Variants in PLCL1 observed in about 807,000 individuals in gnomAD.
PLCL1 encodes the protein phospholipase C like 1 (inactive), also known as inactive phospholipase C-like protein 1.
A neutral mutation model predicts 84.4 loss-of-function variants in PLCL1; 41 were observed. The ratio of observed to expected loss-of-function variants is 0.49; its 90% CI spans 0.38 to 0.63. The LOEUF (loss-of-function observed/expected upper bound fraction) is 0.63, where lower values mean the gene tolerates loss of function less well. PLCL1 is among the 30% of genes least tolerant of loss of function. The pLI is 0.00. For missense variants in PLCL1, 1,206 were observed against 1,367.8 expected (o/e 0.88, Z 1.87); for synonymous variants, 490 against 488.3 (o/e 1.00, Z -0.05).
intron 3 of PLCL1, among the ~76,000 whole-genome samples, chr2:198,091,042 C>T (rs1394090124): frequency 2.6e-5 from 4 of 152,156 alleles, no homozygotes; most frequent in Admixed American, 6.5e-5. Context: ...TAAAAGGCTA[C>T]GGTGGAAGCA....
chr2:197,820,630 G>C (rs1690796986), intron 1 of PLCL1, among the ~76,000 whole-genome samples: 2 of 152,082 alleles, frequency 1.3e-5, no homozygotes, highest in Admixed American at 1.3e-4. Context: ...CTGAGAATGT[G>C]GTGGGCTTAG....
intron 5 of PLCL1, among the ~76,000 whole-genome samples, chr2:198,135,194 C>G (rs1694226366): frequency 6.6e-6 from 1 of 152,108 alleles, no homozygotes; most frequent in African/African-American, 2.4e-5. Context: ...GCTTATGACA[C>G]TCATGGCGGT....
At chr2:198,029,327 T>G (rs916675334) in intron 1 of PLCL1, among the ~76,000 whole-genome samples, 1 of 152,204 alleles carries the variant, frequency 6.6e-6, no homozygotes, top group Non-Finnish European at 1.5e-5. Flanking sequence ...AATATAATTA[T>G]TCAGAGAGTA....
chr2:197,978,500 C>CAAACA (rs1451375491), intron 1 of PLCL1, among the ~76,000 whole-genome samples: 3 of 151,978 alleles, frequency 2.0e-5, no homozygotes, highest in Admixed American at 2.0e-4. Flanking sequence ...ACAAAGCAAA[C>CAAACA]AAACAAAAAA....
chr2:197,958,332 T>G (rs997826681), intron 1 of PLCL1, among the ~76,000 whole-genome samples: 3 of 151,464 alleles, frequency 2.0e-5, no homozygotes, highest in African/African-American at 7.3e-5. Context: ...ACACATAAAA[T>G]ACACTAATAT....
intron 1 of PLCL1, among the ~76,000 whole-genome samples, chr2:197,827,501 A>G (rs1690956469): frequency 6.6e-6 from 1 of 152,144 alleles, no homozygotes; most frequent in Non-Finnish European, 1.5e-5. Context: ...AGGAGCATTA[A>G]ACAAGGGAGA....
At chr2:198,052,906 C>T (rs1244109844) in intron 1 of PLCL1, among the ~76,000 whole-genome samples, 1 of 152,188 alleles carries the variant, frequency 6.6e-6, no homozygotes, top group Non-Finnish European at 1.5e-5. Flanking sequence ...CTCGAGATTA[C>T]AGTTATAGTC....
At chr2:197,808,227 G>A (rs1001456915) in intron 1 of PLCL1, among the ~76,000 whole-genome samples, 5 of 152,030 alleles carry the variant, frequency 3.3e-5, no homozygotes, top group African/African-American at 9.7e-5. Context: ...TTTGGTAAGC[G>A]CATTGTTATA....
chr2:197,856,370 T>C (rs1470925148), intron 1 of PLCL1, among the ~76,000 whole-genome samples: 1 of 152,198 alleles, frequency 6.6e-6, no homozygotes, highest in Admixed American at 6.5e-5. Flanking sequence ...TCTTTAGCAT[T>C]ATAGGATCTT....
chr2:198,021,878 C>T (rs1691141709), intron 1 of PLCL1, among the ~76,000 whole-genome samples: 1 of 152,138 alleles, frequency 6.6e-6, no homozygotes, highest in African/African-American at 2.4e-5. Context: ...AGACGGACTC[C>T]TTCCTAACTC....
intron 5 of PLCL1, among the ~76,000 whole-genome samples, chr2:198,136,807 A>G (rs558813243): frequency 7.9e-5 from 12 of 152,258 alleles, no homozygotes; most frequent in Middle Eastern, 3.4e-3. Flanking sequence ...AGGGCTTATG[A>G]CGATACCTTT....
chr2:197,806,035 C>G (rs1465153713), intron 1 of PLCL1, among the ~76,000 whole-genome samples: 1 of 152,226 alleles, frequency 6.6e-6, no homozygotes, highest in Non-Finnish European at 1.5e-5. Context: ...ATTTGTAAAC[C>G]TCTTTCCTCC....
chr2:198,090,098 A>G (rs1184058071), intron 3 of PLCL1, among the ~76,000 whole-genome samples: 6 of 152,174 alleles, frequency 3.9e-5, no homozygotes, highest in African/African-American at 1.4e-4. Context: ...CTAAGCCAGT[A>G]GAGAGAAGCA....
chr2:197,864,155 T>C (rs571045445), intron 1 of PLCL1, among the ~76,000 whole-genome samples: 1 of 152,272 alleles, frequency 6.6e-6, no homozygotes, highest in Admixed American at 6.5e-5. Flanking sequence ...GATGGTGTAA[T>C]TGACAATACC....
intron 1 of PLCL1, among the ~76,000 whole-genome samples, chr2:198,011,113 TCTCTA>T (rs1314775218): frequency 1.3e-5 from 2 of 152,016 alleles, no homozygotes; most frequent in African/African-American, 4.8e-5. Flanking sequence ...ATTTGATTTA[TCTCTA>T]CTCTAATTTT....
At position 197,805,970 on chromosome 2, in the gene PLCL1, G is replaced by T. The variant is rs1348804791; in HGVS notation, c.240+631G>T. On this transcript the variant is annotated intron_variant, in intron 1 of 5. Transcript: ENST00000428675. The surrounding 1 kb of genome is among the most constrained non-coding windows in gnomAD (Gnocchi z 4.0). ...GGTTACCACCACATCCAGGGAAAACGCTTCCTGACCCGCTAATCACCTCAC... is the reference window on the plus strand; with the variant it reads ...GGTTACCACCACATCCAGGGAAAACTCTTCCTGACCCGCTAATCACCTCAC... 6.6e-6 allele frequency among the ~76,000 whole-genome samples: 1 copy of T among 152,196 alleles called. No homozygotes were observed. The highest frequency in any genetic ancestry group is 1.5e-5 in the Non-Finnish European group (1 of 68,036).
chr2:198,132,635 T>C (rs1441425889), intron 5 of PLCL1, among the ~76,000 whole-genome samples: 1 of 152,050 alleles, frequency 6.6e-6, no homozygotes, highest in Non-Finnish European at 1.5e-5. Context: ...ACTCACAAAG[T>C]TGAATGGGTT....
At chr2:198,142,991 C>A (rs1275276345) in intron 5 of PLCL1, among the ~76,000 whole-genome samples, 1 of 152,036 alleles carries the variant, frequency 6.6e-6, no homozygotes, top group African/African-American at 2.4e-5. Context: ...GAGGTGTTTC[C>A]ATTTCTATAT....
chr2:198,013,758 C>T (rs1690924888), intron 1 of PLCL1, among the ~76,000 whole-genome samples: 1 of 152,114 alleles, frequency 6.6e-6, no homozygotes, highest in Non-Finnish European at 1.5e-5. Flanking sequence ...ATTTAAACAT[C>T]TAAGTGGGCT....
Sources: gnomAD v4.1 joint callset for allele counts (sites outside exome capture counted in the v4.1 genomes callset) on GRCh38, gnomAD v4.1.1 for gene constraint, Gnocchi (gnomAD v3.1) non-coding constraint, MANE v1.5 for transcripts, NCBI Gene and HGNC (gene_info 2026-07-23, HGNC 2026-07-21) for gene names.